Variants in EPHA3 observed in about 807,000 individuals in gnomAD.
EPHA3 encodes ephrin type-A receptor 3.
A neutral mutation model predicts 107.1 loss-of-function variants in EPHA3; 42 were observed. That is an observed-to-expected ratio of 0.39 (90% CI 0.31 to 0.51). EPHA3 has a LOEUF of 0.51. Ranked by LOEUF, EPHA3 falls within the 20% of genes least tolerant of loss-of-function variation. The probability of loss-of-function intolerance (pLI) is 0.78; values close to 1 mark genes in which losing one functional copy is unlikely to be tolerated. For missense variants in EPHA3, 1,183 were observed against 1,211.2 expected (o/e 0.98, Z 0.35); for synonymous variants, 461 against 424.8 (o/e 1.09, Z -1.05).
intron 5 of EPHA3, among the ~76,000 whole-genome samples, chr3:89,356,158 T>C (rs1484602378): frequency 5.3e-5 from 8 of 150,926 alleles, no homozygotes; most frequent in Non-Finnish European, 7.4e-5. Flanking sequence ...ACAGAGGACA[T>C]GAACTCATCA....
chr3:89,295,729 T>G (rs1706333438), intron 3 of EPHA3, among the ~76,000 whole-genome samples: 1 of 152,114 alleles, frequency 6.6e-6, no homozygotes, highest in African/African-American at 2.4e-5. Context: ...TAGCTGGGAT[T>G]GTAGGCATGC....
chr3:89,197,340 C>T (rs886090338), intron 2 of EPHA3, among the ~76,000 whole-genome samples: 14 of 151,410 alleles, frequency 9.2e-5, no homozygotes, highest in Non-Finnish European at 1.9e-4. Context: ...TAGAAAGGTG[C>T]TATTATTATC....
chr3:89,403,599 C>T (rs1709004564), intron 7 of EPHA3, among the ~76,000 whole-genome samples: 1 of 152,098 alleles, frequency 6.6e-6, no homozygotes, highest in African/African-American at 2.4e-5. Context: ...GAAGTACAGA[C>T]ATTAGGGCAT....
chr3:89,459,491 C>CTCCTTCCTTCCTTCCTTCCTTCCT, intron 15 of EPHA3, among the ~76,000 whole-genome samples: 1 of 126,382 alleles, frequency 7.9e-6, no homozygotes, highest in African/African-American at 3.4e-5. Context: ...CCTTCCTTCT[C>CTCCTTCCTTCCTTCCTTCCTTCCT]TCCTTCCTTC....
intron 3 of EPHA3, among the ~76,000 whole-genome samples, chr3:89,331,878 A>G (rs1424707720): frequency 6.6e-6 from 1 of 152,096 alleles, no homozygotes; most frequent in East Asian, 1.9e-4. Flanking sequence ...GTTTTCCTAT[A>G]CATTCCAATG....
intron 3 of EPHA3, among the ~76,000 whole-genome samples, chr3:89,253,129 A>T (rs1293892401): frequency 6.6e-6 from 1 of 151,996 alleles, no homozygotes; most frequent in African/African-American, 2.4e-5. Flanking sequence ...TCCCAGCAGG[A>T]GTTATAGGCT....
intron 2 of EPHA3, among the ~76,000 whole-genome samples, chr3:89,205,559 C>T (rs1170135179): frequency 6.6e-6 from 1 of 152,058 alleles, no homozygotes; most frequent in Non-Finnish European, 1.5e-5. Context: ...ATACAAGGAA[C>T]CCTATGTGGT....
At chr3:89,209,314 T>C (rs1706207459) in intron 2 of EPHA3, among the ~76,000 whole-genome samples, 1 of 152,160 alleles carries the variant, frequency 6.6e-6, no homozygotes, top group Non-Finnish European at 1.5e-5. Flanking sequence ...CTTCAAATTT[T>C]TTTTTCATAG....
intron 3 of EPHA3, among the ~76,000 whole-genome samples, chr3:89,211,394 G>A (rs1414103815): frequency 6.6e-6 from 1 of 151,888 alleles, no homozygotes; most frequent in Non-Finnish European, 1.5e-5. Flanking sequence ...CACTAAAATT[G>A]TTACTCAAAT....
At chr3:89,175,662 T>A (rs189837198) in intron 2 of EPHA3, among the ~76,000 whole-genome samples, 363 of 152,282 alleles carry the variant, frequency 2.4e-3, no homozygotes, top group Non-Finnish European at 3.4e-3. Flanking sequence ...TTATTAAATA[T>A]TAGTAACTAA....
chr3:89,393,325 A>G (rs1708782254), intron 5 of EPHA3, among the ~76,000 whole-genome samples: 1 of 152,242 alleles, frequency 6.6e-6, no homozygotes, highest in Non-Finnish European at 1.5e-5. Flanking sequence ...CAACAGTTAT[A>G]AAGTCCTGCT....
intron 5 of EPHA3, among the ~76,000 whole-genome samples, chr3:89,359,813 A>ATG (rs953331520): frequency 1.4e-5 from 2 of 143,704 alleles, no homozygotes; most frequent in African/African-American, 5.0e-5. Context: ...ATATATATAC[A>ATG]TATATATACA....
chr3:89,157,456 C>A (rs1704831733), intron 2 of EPHA3, among the ~76,000 whole-genome samples: 1 of 151,944 alleles, frequency 6.6e-6, no homozygotes, highest in South Asian at 2.1e-4. Context: ...AGATCTCTTG[C>A]AAAGTTGATG....
At chr3:89,240,497 G>A (rs2107242739) in intron 3 of EPHA3, among the ~76,000 whole-genome samples, 1 of 152,000 alleles carries the variant, frequency 6.6e-6, no homozygotes, top group South Asian at 2.1e-4. Flanking sequence ...ATATAATAAA[G>A]AATATTCTTT....
intron 15 of EPHA3, among the ~76,000 whole-genome samples, chr3:89,470,845 T>A (rs1213449233): frequency 1.1e-4 from 17 of 152,164 alleles, no homozygotes; most frequent in Admixed American, 1.0e-3. Flanking sequence ...TGTGATTTAG[T>A]TTCAGCTTCT....
intron 2 of EPHA3, among the ~76,000 whole-genome samples, chr3:89,170,804 G>A (rs1490262124): frequency 1.3e-5 from 2 of 152,050 alleles, no homozygotes; most frequent in Non-Finnish European, 2.9e-5. Flanking sequence ...CAATTTGAGA[G>A]CAATTTTTGT....
intron 2 of EPHA3, among the ~76,000 whole-genome samples, chr3:89,147,413 G>A (rs1043599907): frequency 2.6e-5 from 4 of 151,796 alleles, no homozygotes; most frequent in Non-Finnish European, 5.9e-5. Flanking sequence ...TTACAATAAA[G>A]TTGCTAAGAT....
chr3:89,187,843 A>T (rs773351381), intron 2 of EPHA3, among the ~76,000 whole-genome samples: 3 of 152,174 alleles, frequency 2.0e-5, no homozygotes, highest in Non-Finnish European at 4.4e-5. Context: ...GGCTTGAGAA[A>T]TGTAATATAA....
chr3:89,455,238 GGAAT>G (rs1226910569), intron 15 of EPHA3, among the ~76,000 whole-genome samples: 3 of 152,142 alleles, frequency 2.0e-5, no homozygotes, highest in African/African-American at 7.2e-5. Flanking sequence ...GGGCGATAAA[GGAAT>G]AGCTGCGAAA....
Sources: allele counts gnomAD v4.1 joint callset (sites outside exome capture counted in the v4.1 genomes callset), GRCh38; gene constraint gnomAD v4.1.1; transcripts MANE v1.5; gene names NCBI Gene and HGNC (gene_info 2026-07-23, HGNC 2026-07-21).